Variants in ZDHHC14 observed in about 807,000 individuals in gnomAD.
ZDHHC14 encodes the protein palmitoyltransferase ZDHHC14.
ZDHHC14 carries 16 observed loss-of-function variants against 47.7 expected under a neutral mutation model. The ratio of observed to expected loss-of-function variants is 0.34; its 90% confidence interval spans 0.23 to 0.51. ZDHHC14 has a LOEUF of 0.51. Among genes scored for constraint, ZDHHC14 ranks in the 20% least tolerant of loss-of-function variants. The probability of loss-of-function intolerance (pLI) is 0.97; values close to 1 mark genes in which losing one functional copy is unlikely to be tolerated. For missense variants in ZDHHC14, 515 were observed against 662.5 expected (o/e 0.78, Z 2.44); for synonymous variants, 293 against 278.9 (o/e 1.05, Z -0.50).
chr6:157,535,856 TGTG>T, intron 1 of ZDHHC14, among the ~76,000 whole-genome samples: 1 of 152,324 alleles, frequency 6.6e-6, no homozygotes, highest in Middle Eastern at 3.4e-3. Context: ...ATCTTTGCCT[TGTG>T]GTGGTAGATT....
At position 157,582,168 on chromosome 6, in the gene ZDHHC14, A is replaced by G. The variant is rs752100370; in HGVS notation, c.407-10820A>G. ...CACCTGGGCCTCCCAAAGTGCTGGG[A>G]TTACAGGTGTGAGCCACCATGCCCA... is the stretch of plus-strand genomic sequence containing the variant. On this transcript the variant is annotated intron_variant, in intron 2 of 8. Transcript: ENST00000359775. This position sits in a 1 kb window ranked among gnomAD's most constrained non-coding sequence, Gnocchi z 4.3. Among the ~76,000 whole-genome samples the G allele has an allele frequency of 1.2e-4, 18 of 152,222 alleles. No homozygotes were observed. Among genetic ancestry groups the G allele is most frequent in the Non-Finnish European group, 2.2e-4 (15 of 68,032 alleles).
chr6:157,513,407 A>G (rs1223205181), intron 1 of ZDHHC14, among the ~76,000 whole-genome samples: 1 of 152,186 alleles, frequency 6.6e-6, no homozygotes. Flanking sequence ...AGCTGATAGT[A>G]AGTCAGTTTC....
chr6:157,466,044 A>AG (rs1279474719), intron 1 of ZDHHC14, among the ~76,000 whole-genome samples: 1 of 152,096 alleles, frequency 6.6e-6, no homozygotes, highest in Non-Finnish European at 1.5e-5. Flanking sequence ...TCTGTCTCAA[A>AG]GAAAAAAAAA....
intron 2 of ZDHHC14, among the ~76,000 whole-genome samples, chr6:157,547,508 T>C (rs1397806267): frequency 2.6e-5 from 4 of 151,514 alleles, no homozygotes; most frequent in East Asian, 1.9e-4. Context: ...TGATTTGACT[T>C]GCTGGGCTTT....
At chr6:157,631,047 C>CA (rs1201142201) in intron 4 of ZDHHC14, 8 of 120,268 alleles carry the variant, frequency 6.7e-5, no homozygotes, top group African/African-American at 1.6e-4. Context: ...TACCCTTACC[C>CA]CCACACACCC....
intron 1 of ZDHHC14, among the ~76,000 whole-genome samples, chr6:157,498,989 G>C (rs1258452633): frequency 2.0e-5 from 3 of 152,050 alleles, no homozygotes; most frequent in African/African-American, 7.2e-5. Flanking sequence ...TGGTGAAGTG[G>C]AACTGTGTTT....
chr6:157,475,062 A>G (rs1051440191), intron 1 of ZDHHC14, among the ~76,000 whole-genome samples: 1 of 152,188 alleles, frequency 6.6e-6, no homozygotes, highest in African/African-American at 2.4e-5. Flanking sequence ...ATTTTTGTAT[A>G]TGGCATAGAT....
intron 3 of ZDHHC14, among the ~76,000 whole-genome samples, chr6:157,613,978 G>A (rs4634489): frequency 0.16 from 25,080 of 152,158 alleles, 2,464 homozygotes; most frequent in East Asian, 0.49. Context: ...TCTTCCTCTC[G>A]TGGTCTCCCT....
chr6:157,573,391 C>T (rs1018734631), intron 2 of ZDHHC14, among the ~76,000 whole-genome samples: 18 of 152,172 alleles, frequency 1.2e-4, no homozygotes, highest in South Asian at 1.0e-3. Context: ...GCTCACCTCA[C>T]GAGGGCAAGC....
Position 157,428,234 on chromosome 6 carries a change from C to T in ZDHHC14, c.245+45968C>T, listed in dbSNP as rs572758201. ...CACAGTAGGAAGATAAAGGGCTGCA[C>T]ACACACCACAGAGACCCTGCCCACT... On this transcript the variant is annotated intron_variant, in intron 1 of 8. Transcript: ENST00000359775. Among the ~76,000 whole-genome samples, 4 of 152,270 alleles carry T rather than the reference C, an allele frequency of 2.6e-5. No individual in the cohort carries two copies. The East Asian group carries it at 7.7e-4, about 29-fold the overall frequency.
intron 3 of ZDHHC14, among the ~76,000 whole-genome samples, chr6:157,605,260 A>G (rs34583678): frequency 0.31 from 47,298 of 152,178 alleles, 8,147 homozygotes; most frequent in East Asian, 0.56. Context: ...AGTATTTTAA[A>G]TAAAAGACTA....
Position 157,628,333 on chromosome 6 carries a change from C to A in ZDHHC14, c.566-16C>A, listed in dbSNP as rs770117575. 2 of 1,460,008 alleles carry A rather than the reference C, an allele frequency of 1.4e-6. No individual in the cohort carries two copies. Among genetic ancestry groups the A allele is most frequent in the East Asian group, 2.6e-5 (1 of 38,734 alleles). 90.4% of individuals were successfully genotyped at this position (1,460,008 alleles called of 1,614,324 possible). A position where few individuals can be genotyped will look rare whatever the true frequency, so the allele number is the denominator to read the frequency against. ...ATTGATTTCCACTTTTTTTTTTTTT[C>A]TGCCTCTCATTTCAGAACGGTTTGA... On this transcript the variant is annotated splice_polypyrimidine_tract_variant and intron_variant, in intron 3 of 8. Coordinates refer to ENST00000359775, the MANE Select transcript of ZDHHC14 (RefSeq NM_024630.3).
At chr6:157,488,835 C>G (rs570608687) in intron 1 of ZDHHC14, among the ~76,000 whole-genome samples, 7 of 152,358 alleles carry the variant, frequency 4.6e-5, no homozygotes, top group African/African-American at 1.4e-4. Flanking sequence ...ACCCCGCCCC[C>G]CTTCCCAGGA....
intron 1 of ZDHHC14, among the ~76,000 whole-genome samples, chr6:157,395,905 T>C (rs1188755648): frequency 6.6e-6 from 1 of 152,092 alleles, no homozygotes; most frequent in Non-Finnish European, 1.5e-5. Context: ...ATAAAATCGG[T>C]ACTTGAGGCC....
intron 1 of ZDHHC14, among the ~76,000 whole-genome samples, chr6:157,529,438 T>C (rs1466287905): frequency 2.0e-5 from 3 of 152,186 alleles, no homozygotes; most frequent in African/African-American, 4.8e-5. Flanking sequence ...TCAAGCTTGA[T>C]TGACAGGGCC....
intron 1 of ZDHHC14, among the ~76,000 whole-genome samples, chr6:157,517,799 A>G (rs1242320414): frequency 6.6e-6 from 1 of 152,222 alleles, no homozygotes; most frequent in Non-Finnish European, 1.5e-5. Context: ...CATTTCAGGG[A>G]CAGTGCTGGC....
intron 1 of ZDHHC14, among the ~76,000 whole-genome samples, chr6:157,492,206 G>GCCCCC (rs954347593): frequency 0.055 from 4,501 of 82,136 alleles, 117 homozygotes; most frequent in African/African-American, 0.092. Context: ...CTCCGCCCCC[G>GCCCCC]CCCCCCAGCC....
chr6:157,639,066 C>T (rs1045521002), intron 5 of ZDHHC14, among the ~76,000 whole-genome samples: 1 of 152,262 alleles, frequency 6.6e-6, no homozygotes, highest in Non-Finnish European at 1.5e-5. Context: ...CAAAAGGAGG[C>T]AGGGCTCCCC....
chr6:157,628,753 A>C, intron 4 of ZDHHC14: 1 of 455,454 alleles, frequency 2.2e-6, no homozygotes, highest in South Asian at 2.4e-5. Context: ...CTTTCACCAA[A>C]CAATACCTCC....
Sources: allele counts gnomAD v4.1 joint callset (sites outside exome capture counted in the v4.1 genomes callset), GRCh38; gene constraint gnomAD v4.1.1; non-coding constraint Gnocchi (gnomAD v3.1); transcripts MANE v1.5; gene names NCBI Gene and HGNC (gene_info 2026-07-23, HGNC 2026-07-21).